The following KIAA1217 variants were observed in gnomAD, a reference collection of about 807,000 sequenced individuals.
The protein encoded by KIAA1217 is KIAA1217.
KIAA1217 carries 88 observed loss-of-function variants against 163.9 expected under a neutral mutation model. The ratio of observed to expected loss-of-function variants is 0.54; its 90% CI spans 0.45 to 0.64. KIAA1217 has a LOEUF of 0.64. Ranked by LOEUF, KIAA1217 falls within the 30% of genes least tolerant of loss-of-function variation. The pLI, the probability that KIAA1217 is intolerant of heterozygous loss-of-function variation, is 0.00. For synonymous variants in KIAA1217, 903 were observed against 923.1 expected, an observed-to-expected ratio of 0.98 and a Z score of 0.39; for missense variants, 2,372 against 2,475.0, an observed-to-expected ratio of 0.96 and a Z score of 0.88.
At chr10:24,110,277 T>C in intron 2 of KIAA1217, among the ~76,000 whole-genome samples, 1 of 152,176 alleles carries the variant, frequency 6.6e-6, no homozygotes, top group East Asian at 1.9e-4. Flanking sequence ...TTCTCTCTTA[T>C]CCATATGAGA....
chr10:24,366,703 G>T (rs1201780086), intron 2 of KIAA1217, among the ~76,000 whole-genome samples: 1 of 152,192 alleles, frequency 6.6e-6, no homozygotes, highest in African/African-American at 2.4e-5. Flanking sequence ...CAATCTAGTG[G>T]CCAGTGAGCC....
chr10:23,772,403 G>A (rs17566885), intron 1 of KIAA1217, among the ~76,000 whole-genome samples: 7,822 of 152,154 alleles, frequency 0.051, 295 homozygotes, highest in Non-Finnish European at 0.08. Context: ...GAAAATCAAT[G>A]CCATTGAAAT....
intron 1 of KIAA1217, among the ~76,000 whole-genome samples, chr10:23,847,473 G>T (rs951026434): frequency 2.0e-4 from 31 of 152,112 alleles, no homozygotes; most frequent in African/African-American, 6.5e-4. Flanking sequence ...ATGTGTCCAG[G>T]AATTTATCCA....
intron 1 of KIAA1217, among the ~76,000 whole-genome samples, chr10:23,941,196 T>A (rs532618192): frequency 1.3e-5 from 2 of 152,374 alleles, no homozygotes; most frequent in East Asian, 3.9e-4. Flanking sequence ...TTTTTCATAG[T>A]ATATTTGAAA....
intron 1 of KIAA1217, among the ~76,000 whole-genome samples, chr10:23,758,686 C>CTTTTTTTTTTTTTTTTTTT (rs34055872): frequency 2.2e-4 from 13 of 59,824 alleles, no homozygotes; most frequent in Non-Finnish European, 2.8e-4. Flanking sequence ...TTCTTTCTTT[C>CTTTTTTTTTTTTTTTTTTT]TTTTTTTTTT....
At chr10:24,440,856 C>A (rs1157643906) in intron 5 of KIAA1217, among the ~76,000 whole-genome samples, 1 of 152,222 alleles carries the variant, frequency 6.6e-6, no homozygotes, top group East Asian at 1.9e-4. Context: ...TAGGTGTGAT[C>A]ATGCCTGCAG....
intron 1 of KIAA1217, among the ~76,000 whole-genome samples, chr10:23,958,278 T>C (rs1461501089): frequency 6.6e-6 from 1 of 152,162 alleles, no homozygotes; most frequent in African/African-American, 2.4e-5. Context: ...TAAGGTGCTG[T>C]AGCAGACTGG....
chr10:24,068,968 T>C (rs755129786), intron 2 of KIAA1217, among the ~76,000 whole-genome samples: 10 of 152,214 alleles, frequency 6.6e-5, no homozygotes, highest in Non-Finnish European at 1.5e-4. Context: ...ATCAGCATTC[T>C]GAGACAAATG....
At chr10:24,099,860 G>C (rs556027629) in intron 2 of KIAA1217, among the ~76,000 whole-genome samples, 1 of 150,978 alleles carries the variant, frequency 6.6e-6, no homozygotes. Flanking sequence ...TTGTCCTTGC[G>C]ACACTGCAGG....
At chr10:24,472,126 A>T (rs2063587231) in intron 5 of KIAA1217, among the ~76,000 whole-genome samples, 1 of 152,162 alleles carries the variant, frequency 6.6e-6, no homozygotes, top group African/African-American at 2.4e-5. Flanking sequence ...TATTAAGTGG[A>T]AGTGGATCAT....
chr10:24,010,693 GA>G (rs112800971), intron 2 of KIAA1217, among the ~76,000 whole-genome samples: 2,543 of 128,682 alleles, frequency 0.02, 45 homozygotes, highest in African/African-American at 0.045. Context: ...ACATTTGCTG[GA>G]AAAAAAAAAA....
intron 1 of KIAA1217, among the ~76,000 whole-genome samples, chr10:23,762,655 A>G (rs1004525453): frequency 4.6e-5 from 7 of 152,222 alleles, no homozygotes; most frequent in South Asian, 2.1e-4. Flanking sequence ...ACCCACAGCC[A>G]ATATCATATT....
At chr10:23,704,172 GTATATATATATATATATATA>G (rs35533445) in intron 1 of KIAA1217, among the ~76,000 whole-genome samples, 8 of 39,948 alleles carry the variant, frequency 2.0e-4, no homozygotes, top group African/African-American at 4.0e-4. Context: ...GTGTGTGTGT[GTATATATATATATATATATA>G]TATATATATA....
intron 2 of KIAA1217, among the ~76,000 whole-genome samples, chr10:24,160,179 G>A (rs1338221103): frequency 2.6e-5 from 4 of 151,946 alleles, no homozygotes; most frequent in Non-Finnish European, 5.9e-5. Context: ...TTTCAAAATC[G>A]TTGTGGCTAT....
At position 24,172,385 on chromosome 10, in the gene KIAA1217, C is replaced by A. The variant is rs528283027; in HGVS notation, c.-170-47241C>A. 2.0e-5 allele frequency among the ~76,000 whole-genome samples: 3 copies of A among 152,300 alleles called. No individual in the cohort carries two copies. The South Asian group carries it at 6.2e-4, about 32-fold the overall frequency. On this transcript the variant is annotated intron_variant, in intron 2 of 18. Transcript: ENST00000376462. The stretch of plus-strand genomic sequence containing the variant: ...GCTCTGGGATTCCGAAGGGAGAAAG[C>A]ATCTCAGTAACAATTTTGAGAAGCA...
At chr10:23,812,720 T>G (rs969564735) in intron 1 of KIAA1217, among the ~76,000 whole-genome samples, 6 of 152,202 alleles carry the variant, frequency 3.9e-5, no homozygotes, top group African/African-American at 1.4e-4. Context: ...CAGCACTAGT[T>G]TACCATTCAC....
chr10:24,295,034 C>G (rs185319464), intron 2 of KIAA1217, among the ~76,000 whole-genome samples: 18 of 152,326 alleles, frequency 1.2e-4, no homozygotes, highest in African/African-American at 4.3e-4. Flanking sequence ...AAATGTCTCT[C>G]TTCTGGGCTG....
chr10:23,953,474 T>C (rs891456647), intron 1 of KIAA1217, among the ~76,000 whole-genome samples: 1 of 152,214 alleles, frequency 6.6e-6, no homozygotes, highest in African/African-American at 2.4e-5. Flanking sequence ...ATGATTGCCA[T>C]CTATGTTTCA....
At chr10:23,864,075 AT>A (rs1840072229) in intron 1 of KIAA1217, among the ~76,000 whole-genome samples, 1 of 80,950 alleles carries the variant, frequency 1.2e-5, no homozygotes, top group African/African-American at 9.3e-5. Flanking sequence ...TAAAGTAGTT[AT>A]TATTATTATT....
Sources: allele counts gnomAD v4.1 joint callset (sites outside exome capture counted in the v4.1 genomes callset), GRCh38; gene constraint gnomAD v4.1.1; transcripts MANE v1.5; gene names NCBI Gene and HGNC (gene_info 2026-07-23, HGNC 2026-07-21).